The following LYST variants were observed in gnomAD, a reference collection of about 807,000 sequenced individuals.
LYST encodes lysosomal-trafficking regulator.
A neutral mutation model predicts 413.6 loss-of-function variants in LYST; 192 were observed. The ratio of observed to expected loss-of-function variants is 0.46; its 90% CI spans 0.41 to 0.52. The LOEUF (loss-of-function observed/expected upper bound fraction) is 0.52, where lower values mean the gene tolerates loss of function less well. Among genes scored for constraint, LYST ranks in the 20% least tolerant of loss-of-function variants. LYST has a pLI of 0.00. For synonymous variants in LYST, 1,525 were observed against 1,567.3 expected (o/e 0.97, Z 0.64); for missense variants, 3,815 against 4,499.9 (o/e 0.85, Z 4.35).
chr1:235,877,198 T>A (rs929439375), intron 1 of LYST, among the ~76,000 whole-genome samples: 6 of 152,184 alleles, frequency 3.9e-5, no homozygotes, highest in African/African-American at 1.4e-4. Context: ...GAAAAGAGAA[T>A]GGCTGGCCCT....
Position 235,757,431 on chromosome 1 carries a change from T to C in LYST, c.6909A>G (p.Ile2303Met), listed in dbSNP as rs1353443879. Residue 2303 changes from isoleucine (I) to methionine (M), a missense_variant, in exon 24 of 53, where the codon ATA (isoleucine) becomes ATG (methionine). Around this residue, in one of 4 missense-constraint regions of LYST, gnomAD observed 771 missense variants for 837.1 expected, o/e 0.92. Coordinates refer to ENST00000389793, the MANE Select transcript of LYST (RefSeq NM_000081.4). Reference protein sequence around the residue: ...HSVTEDCLVPICCGLYELLSG... With the variant: ...HSVTEDCLVPMCCGLYELLSG... ...TTAGGAGTTCATATAATCCACAGCA[T>C]ATAGGTACCAAACAGTCTTCAGTTA... 1 of 1,613,616 alleles carries C rather than the reference T, an allele frequency of 6.2e-7. No individual in the cohort carries two copies. The highest frequency in any genetic ancestry group is 8.5e-7 in the Non-Finnish European group (1 of 1,179,704).
chr1:235,718,608 C>T (rs1663059757), intron 40 of LYST, among the ~76,000 whole-genome samples: 1 of 152,152 alleles, frequency 6.6e-6, no homozygotes, highest in African/African-American at 2.4e-5. Flanking sequence ...CACTCTTTGG[C>T]ACTTACAGCT....
chr1:235,749,956 T>A (rs1443525754), intron 28 of LYST, among the ~76,000 whole-genome samples: 1 of 151,578 alleles, frequency 6.6e-6, no homozygotes, highest in African/African-American at 2.4e-5. Flanking sequence ...AAACCAGAGA[T>A]CTAGAGATGG....
Position 235,791,967 on chromosome 1 carries a change from T to C in LYST, c.4275A>G (p.Leu1425=), listed in dbSNP as rs767482498. 5.6e-6 allele frequency: 9 copies of C among 1,614,040 alleles called. No homozygotes were observed. Among genetic ancestry groups the C allele is most frequent in the Middle Eastern group, 1.6e-4 (1 of 6,084 alleles). The change falls in exon 12 of 53, where the codon TTA becomes TTG. Residue 1425 remains leucine (L), a synonymous_variant. Coordinates refer to ENST00000389793, the MANE Select transcript of LYST (RefSeq NM_000081.4). ...PGILNSKAMG[L]LRRARVSRSK... is the part of the protein sequence containing the mutation. Reference sequence around the variant, plus strand: ...TCCGTGAAACTCGTGCTCTTCTCAATAAACCCATGGCCTTACTGTTTAAAA... The same window carrying C: ...TCCGTGAAACTCGTGCTCTTCTCAACAAACCCATGGCCTTACTGTTTAAAA...
rs766760874 is a variant in LYST, at chr1:235,741,556, T to G, written c.8224A>C (p.Met2742Leu). The change falls in exon 31 of 53, where the codon ATG becomes CTG. Residue 2742 changes from methionine (M) to leucine (L), a missense_variant. Transcript: ENST00000389793. The part of the protein sequence containing the change: ...ILWSCKETFR[M>L]QLGRLLVHIL... The stretch of plus-strand genomic sequence containing the variant: ...TGCACTAGTAGTCTCCCAAGCTGCA[T>G]TCGGAAGGTCTCCTTACAAGACCAC... 2 of 1,614,154 alleles carry G rather than the reference T, an allele frequency of 1.2e-6. No individual in the cohort carries two copies. Among genetic ancestry groups the G allele is most frequent in the Non-Finnish European group, 1.7e-6 (2 of 1,179,998 alleles).
At chr1:235,737,295 T>C (rs147486209) in intron 31 of LYST, 12 of 152,276 alleles carry the variant, frequency 7.9e-5, no homozygotes, top group African/African-American at 2.6e-4. Context: ...ATGTTAATGT[T>C]AGGAACCAAG....
At chr1:235,732,572 T>C (rs968083568) in intron 34 of LYST, among the ~76,000 whole-genome samples, 15 of 152,320 alleles carry the variant, frequency 9.8e-5, no homozygotes, top group African/African-American at 3.1e-4. Flanking sequence ...ATTGTCAAAA[T>C]GTACAATGCC....
At chr1:235,874,075 C>G (rs557691382) in intron 1 of LYST, among the ~76,000 whole-genome samples, 1 of 152,270 alleles carries the variant, frequency 6.6e-6, no homozygotes, top group African/African-American at 2.4e-5. Context: ...AGGTAAGGAA[C>G]AGGTAAAAAT....
chr1:235,742,523 T>G (rs1162898872), intron 30 of LYST, among the ~76,000 whole-genome samples: 1 of 151,542 alleles, frequency 6.6e-6, no homozygotes, highest in Non-Finnish European at 1.5e-5. Flanking sequence ...ATATACTTAG[T>G]GCCACTGAAT....
intron 1 of LYST, among the ~76,000 whole-genome samples, chr1:235,835,099 A>ATGG (rs1434291999): frequency 2.7e-4 from 27 of 101,354 alleles, no homozygotes; most frequent in African/African-American, 2.3e-3. Flanking sequence ...TGTATTTTTA[A>ATGG]TGGGGGGGGG....
chr1:235,813,257 A>G (rs1396011050), intron 3 of LYST, among the ~76,000 whole-genome samples, 196 bp from the exon 4 acceptor site: 1 of 152,222 alleles, frequency 6.6e-6, no homozygotes. Context: ...CTAATGATAG[A>G]AGAATCTAAG....
In LYST at chr1:235,805,993, A is replaced by G; in HGVS notation, c.3143T>C (p.Ile1048Thr). ...LLSLAIKSDP[I>T]PSELGSLKKS... ...TTTTAGACTACCTAGTTCTGATGGTATGGGGTCACTTTTTATAGCCAAAGA... is the reference window on the plus strand; with the variant it reads ...TTTTAGACTACCTAGTTCTGATGGTGTGGGGTCACTTTTTATAGCCAAAGA... The change falls in exon 6 of 53, where the codon ATA becomes ACA. Residue 1048 changes from isoleucine to threonine, a missense_variant. Ile to Thr is a moderately conservative substitution (Grantham distance 89). Transcript: ENST00000389793. The G allele has an allele frequency of 6.2e-7, 1 of 1,613,784 alleles. No individual in the cohort carries two copies. The highest frequency in any genetic ancestry group is 2.2e-5 in the East Asian group (1 of 44,868).
intron 3 of LYST, chr1:235,828,084 T>G (rs968674433): frequency 2.5e-6 from 2 of 785,094 alleles, no homozygotes; most frequent in South Asian, 1.2e-4. Flanking sequence ...CTACTTCATA[T>G]TCTTTTAGAA....
At chr1:235,720,559 T>C in intron 40 of LYST, 102 bp downstream of exon 40, 1 of 1,148,216 alleles carries the variant, frequency 8.7e-7, no homozygotes, top group Non-Finnish European at 1.3e-6. Flanking sequence ...ATATAATTCT[T>C]CTATTTTGTG....
intron 50 of LYST, among the ~76,000 whole-genome samples, chr1:235,676,640 T>C (rs1659401937): frequency 6.6e-6 from 1 of 152,216 alleles, no homozygotes; most frequent in African/African-American, 2.4e-5. Context: ...TTCTGTTTCA[T>C]AGATGGAATG....
At chr1:235,791,564 C>T (rs1670995055) in intron 12 of LYST, 135 bp downstream of exon 12, 4 of 769,062 alleles carry the variant, frequency 5.2e-6, no homozygotes, top group Admixed American at 3.9e-5. Context: ...TCAGGACCTA[C>T]CACCACTAAG....
At chr1:235,790,256 A>G (rs1670850000) in intron 12 of LYST, among the ~76,000 whole-genome samples, 1 of 152,230 alleles carries the variant, frequency 6.6e-6, no homozygotes, top group Non-Finnish European at 1.5e-5. Context: ...CTTATAGTAT[A>G]GTAGCAATGT....
intron 1 of LYST, among the ~76,000 whole-genome samples, chr1:235,865,024 C>T (rs1401115788): frequency 6.6e-6 from 1 of 152,156 alleles, no homozygotes; most frequent in Non-Finnish European, 1.5e-5. Flanking sequence ...GCCTACAAGG[C>T]CTTATACAGT....
chr1:235,713,033 T>C (rs184551829), intron 42 of LYST: 2 of 985,432 alleles, frequency 2.0e-6, no homozygotes, highest in Non-Finnish European at 2.4e-6. Context: ...ATCTTTTCAT[T>C]TGGAGACTGC....
Sources: gnomAD v4.1 joint callset for allele counts (sites outside exome capture counted in the v4.1 genomes callset) on GRCh38, gnomAD v4.1.1 for gene constraint, gnomAD v4.1.1 regional missense constraint, MANE v1.5 for transcripts, NCBI Gene and HGNC (gene_info 2026-07-23, HGNC 2026-07-21) for gene names.